BTBD9: variants seen among roughly 807,000 people sequenced by gnomAD.
BTBD9 encodes BTB domain containing 9.
BTBD9 carries 49 observed loss-of-function variants against 64.3 expected under a neutral mutation model. The ratio of observed to expected loss-of-function variants is 0.76; its 90% CI spans 0.61 to 0.97. BTBD9 has a LOEUF of 0.97. BTBD9 is among the 50% of genes least tolerant of loss of function. BTBD9 has a pLI of 0.00. For missense variants in BTBD9, 598 were observed against 762.1 expected (o/e 0.78, Z 2.53); for synonymous variants, 260 against 274.7 (o/e 0.95, Z 0.53).
At chr6:38,566,832 C>T (rs2748169) in intron 6 of BTBD9, among the ~76,000 whole-genome samples, 25,243 of 152,146 alleles carry the variant, frequency 0.17, 2,699 homozygotes, top group African/African-American at 0.3. Flanking sequence ...AAACCATGCA[C>T]ATCATCTGTT....
chr6:38,467,509 A>G (rs1770449096), intron 6 of BTBD9, among the ~76,000 whole-genome samples: 1 of 152,202 alleles, frequency 6.6e-6, no homozygotes, highest in Non-Finnish European at 1.5e-5. Context: ...CAGGTCACAG[A>G]AAGTTAGAGT....
At chr6:38,597,478 C>T (rs189347339) in intron 2 of BTBD9, among the ~76,000 whole-genome samples, 2 of 152,172 alleles carry the variant, frequency 1.3e-5, no homozygotes, top group Non-Finnish European at 2.9e-5. Flanking sequence ...TACAAGTGCA[C>T]GTCTTAGATC....
chr6:38,597,587 T>C (rs571718692), intron 2 of BTBD9, among the ~76,000 whole-genome samples: 16 of 152,244 alleles, frequency 1.1e-4, no homozygotes, highest in Non-Finnish European at 2.2e-4. Flanking sequence ...GAAGCTTTAG[T>C]CCCATTAGCC....
intron 6 of BTBD9, among the ~76,000 whole-genome samples, chr6:38,468,146 T>G (rs916837060): frequency 7.2e-5 from 11 of 152,202 alleles, no homozygotes; most frequent in African/African-American, 2.7e-4. Flanking sequence ...CCCGAAGTGC[T>G]GAGATTACAG....
At chr6:38,425,993 C>T (rs1768131036) in intron 6 of BTBD9, among the ~76,000 whole-genome samples, 1 of 151,118 alleles carries the variant, frequency 6.6e-6, no homozygotes, top group East Asian at 1.9e-4. Context: ...GCTATAAAAG[C>T]AAGCCCAACC....
At position 38,169,801 on chromosome 6, in the gene BTBD9, C is replaced by G. The variant is rs938718441; in HGVS notation, c.*5184G>C. On this transcript the variant is annotated 3_prime_UTR_variant, in exon 11 of 11. Coordinates refer to ENST00000481247, the MANE Select transcript of BTBD9 (RefSeq NM_001099272.2). ...ATTCAGGGCTATAAATACTCACGGA[C>G]GCAAATGGTAAATGCTCCCAGACAT... The G allele has an allele frequency of 3.4e-5, 5 of 146,840 alleles. No individual in the cohort carries two copies. Among genetic ancestry groups the G allele is most frequent in the Admixed American group, 2.8e-4 (4 of 14,376 alleles). The allele number at this position is 146,840 out of a possible 1,614,324, so 9.1% of individuals were successfully genotyped here.
intron 7 of BTBD9, among the ~76,000 whole-genome samples, chr6:38,293,445 A>G (rs1762037132): frequency 6.6e-6 from 1 of 152,196 alleles, no homozygotes; most frequent in African/African-American, 2.4e-5. Context: ...TAACCAAAAC[A>G]GCATGGTACT....
intron 6 of BTBD9, among the ~76,000 whole-genome samples, chr6:38,549,185 A>G (rs1774688605): frequency 6.6e-6 from 1 of 152,214 alleles, no homozygotes; most frequent in South Asian, 2.1e-4. Context: ...CAGTATTCCA[A>G]TGAGCTATGA....
intron 7 of BTBD9, among the ~76,000 whole-genome samples, chr6:38,332,408 C>T (rs1216570003): frequency 2.0e-5 from 3 of 152,118 alleles, no homozygotes; most frequent in Admixed American, 6.5e-5. Context: ...TGTTATCCTT[C>T]GGTTCTTAAC....
chr6:38,206,008 A>C (rs958655797), intron 9 of BTBD9, among the ~76,000 whole-genome samples: 4 of 152,046 alleles, frequency 2.6e-5, no homozygotes, highest in African/African-American at 4.8e-5. Context: ...AGAGCCGTAA[A>C]ACAGGCCCAC....
intron 9 of BTBD9, among the ~76,000 whole-genome samples, chr6:38,250,844 G>T (rs954541210): frequency 6.6e-6 from 1 of 152,044 alleles, no homozygotes; most frequent in Non-Finnish European, 1.5e-5. Context: ...AAGCCGAGGT[G>T]GGGGGATCAC....
rs567464717 is a variant in BTBD9 at position 38,525,281 on chromosome 6, TAAAG to T, written c.1154+52315_1154+52318del. ...GCTCGCTCTCTCTCCTGCAACCTTG[TAAAG>T]AAGGTGCCTGCTTCCCCTTCTGCCA... On this transcript the variant is annotated intron_variant, in intron 6 of 10. Transcript: ENST00000481247. 7.2e-5 allele frequency among the ~76,000 whole-genome samples: 11 copies of T among 152,314 alleles called. No homozygotes were observed. In the South Asian group the frequency reaches 2.1e-3, roughly 29 times the overall value.
chr6:38,546,923 C>T (rs1338386243), intron 6 of BTBD9, among the ~76,000 whole-genome samples: 1 of 152,152 alleles, frequency 6.6e-6, no homozygotes. Flanking sequence ...CCACCTCAGC[C>T]TCCCAAGTGT....
At position 38,353,346 on chromosome 6, in the gene BTBD9, TAG is replaced by T. The variant is rs990430735; in HGVS notation, c.1155-8255_1155-8254del. 2.0e-5 allele frequency among the ~76,000 whole-genome samples: 3 copies of T among 149,752 alleles called. No individual in the cohort carries two copies. The Admixed American group carries it at 2.0e-4, about 10-fold the overall frequency. On this transcript the variant is annotated intron_variant, in intron 6 of 10. Coordinates refer to ENST00000481247, the MANE Select transcript of BTBD9 (RefSeq NM_001099272.2). Reference sequence around the variant, plus strand: ...TCAGATTGTAATTTTCAAGGGATTATAGAGAGAGAAAATGAGATGTGGAGTAT... The same window carrying T: ...TCAGATTGTAATTTTCAAGGGATTATAGAGAGAAAATGAGATGTGGAGTAT...
At chr6:38,335,432 T>C (rs1763854568) in intron 7 of BTBD9, among the ~76,000 whole-genome samples, 1 of 151,964 alleles carries the variant, frequency 6.6e-6, no homozygotes, top group Non-Finnish European at 1.5e-5. Context: ...TTTGTATTTT[T>C]AGTAGAGACA....
intron 1 of BTBD9, among the ~76,000 whole-genome samples, chr6:38,614,677 C>T (rs1777729565): frequency 6.6e-6 from 1 of 152,206 alleles, no homozygotes; most frequent in Non-Finnish European, 1.5e-5. Flanking sequence ...TCAACCTAAT[C>T]CATCAGCAAG....
chr6:38,587,737 G>A (rs1776601892), intron 4 of BTBD9: 5 of 675,774 alleles, frequency 7.4e-6, no homozygotes, highest in Non-Finnish European at 1.4e-5. Flanking sequence ...TAATATTCCT[G>A]AAAATGTTAC....
At chr6:38,452,584 A>G (rs2127337868) in intron 6 of BTBD9, among the ~76,000 whole-genome samples, 1 of 152,134 alleles carries the variant, frequency 6.6e-6, no homozygotes, top group East Asian at 1.9e-4. Context: ...AAAAAAAAAG[A>G]TGAATATAAG....
In BTBD9 at chr6:38,464,393, A is replaced by C. The variant is rs114029352; in HGVS notation, c.1154+113207T>G. 3.6e-3 allele frequency among the ~76,000 whole-genome samples: 542 copies of C among 150,344 alleles called. 4 individuals are homozygous for C. Among genetic ancestry groups the C allele is most frequent in the African/African-American group, 0.012 (498 of 41,312 alleles). The stretch of plus-strand genomic sequence containing the variant: ...AGCCTTGCATTCATGAAAAAAAAAA[A>C]CCCACTTGAAAGAGTTGTCCTTTTT... On this transcript the variant is annotated intron_variant, in intron 6 of 10. Transcript: ENST00000481247.
Sources: allele counts gnomAD v4.1 joint callset (sites outside exome capture counted in the v4.1 genomes callset), GRCh38; gene constraint gnomAD v4.1.1; transcripts MANE v1.5; gene names NCBI Gene and HGNC (gene_info 2026-07-23, HGNC 2026-07-21).